Variants in NR6A1 observed in about 807,000 individuals in gnomAD.
The protein encoded by NR6A1 is nuclear receptor subfamily 6 group A member 1.
In NR6A1, 7 loss-of-function variants were observed where a neutral mutation model predicts 59.1. The ratio of observed to expected loss-of-function variants is 0.12; its 90% CI spans 0.07 to 0.22. The LOEUF (loss-of-function observed/expected upper bound fraction) is 0.22. Among genes scored for constraint, NR6A1 ranks in the 10% least tolerant of loss-of-function variants. The pLI, the probability that NR6A1 is intolerant of heterozygous loss-of-function variation, is 1.00. For synonymous variants in NR6A1, 243 were observed against 236.1 expected, an observed-to-expected ratio of 1.03 and a Z score of -0.27; for missense variants, 468 against 611.6, an observed-to-expected ratio of 0.77 and a Z score of 2.48.
chr9:124,591,634 G>A (rs999501562), intron 2 of NR6A1, among the ~76,000 whole-genome samples: 5 of 152,192 alleles, frequency 3.3e-5, no homozygotes, highest in Admixed American at 2.0e-4. Flanking sequence ...CCAGCCGGTT[G>A]ACTCCTGACC....
At position 124,553,549 on chromosome 9, in the gene NR6A1, C is replaced by CTTTTTTTTTTTTTT. The variant is rs780925768; in HGVS notation, c.385+765_385+778dup. Among the ~76,000 whole-genome samples the CTTTTTTTTTTTTTT allele has an allele frequency of 1.9e-3, 91 of 47,328 alleles. 5 individuals are homozygous for CTTTTTTTTTTTTTT. The highest frequency in any genetic ancestry group is 2.2e-3 in the Non-Finnish European group (56 of 25,008). The allele number at this position is 47,328 out of a possible 152,430, so 31.0% of individuals were successfully genotyped here. A position where few individuals can be genotyped will look rare whatever the true frequency, so the allele number is the denominator to read the frequency against. On this transcript the variant is annotated intron_variant, in intron 3 of 9. Transcript: ENST00000487099. Reference sequence around the variant, plus strand: ...GAAATCACCCTGCTTTTTAGCTTGACTTTTTTTTTTTTTTTTTTTTTTTTT... The same window carrying CTTTTTTTTTTTTTT: ...GAAATCACCCTGCTTTTTAGCTTGACTTTTTTTTTTTTTTTTTTTTTTTTTTTTTTTTTTTTTTT...
At chr9:124,672,982 T>C (rs1219427801) in intron 2 of NR6A1, among the ~76,000 whole-genome samples, 1 of 152,082 alleles carries the variant, frequency 6.6e-6, no homozygotes, top group East Asian at 1.9e-4. Context: ...CTGAAATGAT[T>C]AGGTTGTGTT....
intron 2 of NR6A1, among the ~76,000 whole-genome samples, chr9:124,589,236 G>A (rs1030498132): frequency 6.6e-6 from 1 of 152,110 alleles, no homozygotes; most frequent in African/African-American, 2.4e-5. Flanking sequence ...CACGAGGTCA[G>A]GAGATCGAGA....
intron 2 of NR6A1, among the ~76,000 whole-genome samples, chr9:124,643,373 G>C (rs1446699815): frequency 1.3e-5 from 2 of 151,994 alleles, no homozygotes. Flanking sequence ...GGCTGAGGCG[G>C]GTGGATCACT....
intron 2 of NR6A1, among the ~76,000 whole-genome samples, chr9:124,576,434 C>T (rs538695628): frequency 0.01 from 1,571 of 152,188 alleles, 27 homozygotes; most frequent in African/African-American, 0.036. Flanking sequence ...ACTACAGGCG[C>T]GTGCCACCAC....
intron 1 of NR6A1, among the ~76,000 whole-genome samples, chr9:124,749,581 C>T (rs922319389): frequency 7.2e-5 from 11 of 152,126 alleles, no homozygotes; most frequent in South Asian, 2.1e-4. Context: ...AGACAGGTCT[C>T]GCTATGTTGC....
At chr9:124,639,060 C>T (rs1470944096) in intron 2 of NR6A1, among the ~76,000 whole-genome samples, 5 of 152,162 alleles carry the variant, frequency 3.3e-5, no homozygotes, top group East Asian at 3.9e-4. Context: ...ACTTATGGGC[C>T]GGACCTAGTC....
Position 124,538,243 on chromosome 9 carries a change from A to G in NR6A1, c.673T>C (p.Tyr225His), listed in dbSNP as rs1833339857. The G allele has an allele frequency of 6.2e-7, 1 of 1,614,198 alleles. No homozygotes were observed. Among genetic ancestry groups the G allele is most frequent in the Non-Finnish European group, 8.5e-7 (1 of 1,180,038 alleles). ...MGMSVPPHYQ[Y>H]IPHLFSYSGH... ...GAATAGCTAAAAAGGTGCGGTATAT[A>G]TTGGTAATGTGGAGGCACAGACATT... Residue 225 changes from tyrosine (Y) to histidine (H), a missense_variant, in exon 6 of 10, where the codon TAT (tyrosine) becomes CAT (histidine). Physicochemically the swap from Tyr to His is moderately conservative, Grantham distance 83. This residue lies in a region of NR6A1 where 151 missense variants were observed against 142.8 expected (regional missense o/e 1.06). Coordinates refer to ENST00000487099, the MANE Select transcript of NR6A1 (RefSeq NM_033334.4).
chr9:124,540,327 C>T lies in NR6A1; in HGVS notation c.442-140G>A, dbSNP rs1588650467. 3.2e-6 allele frequency: 3 copies of T among 928,888 alleles called. No homozygotes were observed. In the East Asian group the frequency reaches 7.7e-5, roughly 24 times the overall value. 57.5% of individuals were successfully genotyped at this position (928,888 alleles called of 1,614,324 possible). A position where few individuals can be genotyped will look rare whatever the true frequency, so the allele number is the denominator to read the frequency against. The stretch of plus-strand genomic sequence containing the variant: ...CTCCATCCCCATATTCCGGGCCTCT[C>T]ACTAATCTTAGGACGGCGTGGCTTC... On this transcript the variant is annotated intron_variant, in intron 4 of 9. Coordinates refer to ENST00000487099, the MANE Select transcript of NR6A1 (RefSeq NM_033334.4).
chr9:124,631,656 A>ATT (rs913565358), intron 2 of NR6A1, among the ~76,000 whole-genome samples: 2 of 150,098 alleles, frequency 1.3e-5, no homozygotes, highest in African/African-American at 4.9e-5. Flanking sequence ...AGCTACCTGC[A>ATT]TTTTTTTTTT....
intron 2 of NR6A1, among the ~76,000 whole-genome samples, chr9:124,611,599 ATCAGCTGG>A (rs1835744115): frequency 6.6e-6 from 1 of 152,012 alleles, no homozygotes; most frequent in South Asian, 2.1e-4. Context: ...AAGAAAAAAA[ATCAGCTGG>A]GCATGGTGGC....
In NR6A1 at chr9:124,767,733, T is replaced by C. The variant is rs184459271; in HGVS notation, c.100+3287A>G. Reference sequence around the variant, plus strand: ...AGCATAAACATTTGGACGGCATGGTTATAGCAGAAGAAAAAGGCACCGTGC... The same window carrying C: ...AGCATAAACATTTGGACGGCATGGTCATAGCAGAAGAAAAAGGCACCGTGC... On this transcript the variant is annotated intron_variant, in intron 1 of 9. Transcript: ENST00000487099. 1.7e-3 allele frequency among the ~76,000 whole-genome samples: 265 copies of C among 152,310 alleles called. 1 individual carries two copies. Among genetic ancestry groups the C allele is most frequent in the Non-Finnish European group, 2.2e-3 (148 of 68,026 alleles).
At chr9:124,567,970 T>C (rs1268247562) in intron 2 of NR6A1, among the ~76,000 whole-genome samples, 1 of 137,946 alleles carries the variant, frequency 7.2e-6, no homozygotes, top group Non-Finnish European at 1.5e-5. Flanking sequence ...GGTCAAGAGA[T>C]TGAGACCATC....
At chr9:124,749,969 T>C (rs947643079) in intron 1 of NR6A1, among the ~76,000 whole-genome samples, 1 of 152,214 alleles carries the variant, frequency 6.6e-6, no homozygotes, top group Non-Finnish European at 1.5e-5. Context: ...AGTTTAACAA[T>C]CTTCTCTCTG....
At chr9:124,608,465 A>G (rs1835637961) in intron 2 of NR6A1, among the ~76,000 whole-genome samples, 1 of 152,202 alleles carries the variant, frequency 6.6e-6, no homozygotes. Flanking sequence ...GCGGCAAAGG[A>G]CATAATCCTA....
chr9:124,573,391 T>G (rs1834500463), intron 2 of NR6A1, among the ~76,000 whole-genome samples: 1 of 152,210 alleles, frequency 6.6e-6, no homozygotes, highest in African/African-American at 2.4e-5. Flanking sequence ...CAGCTTGGAC[T>G]ATTATTAAGT....
chr9:124,566,480 G>A (rs1392630838), intron 2 of NR6A1, among the ~76,000 whole-genome samples: 2 of 152,182 alleles, frequency 1.3e-5, no homozygotes, highest in Non-Finnish European at 2.9e-5. Context: ...GAAAACAAAC[G>A]CAAGGTGTGT....
chr9:124,703,377 GTTTT>G (rs891247037), intron 2 of NR6A1, among the ~76,000 whole-genome samples: 1 of 145,574 alleles, frequency 6.9e-6, no homozygotes, highest in Non-Finnish European at 1.5e-5. Flanking sequence ...CATGTCCAGG[GTTTT>G]TTTTTTCTTT....
intron 2 of NR6A1, among the ~76,000 whole-genome samples, chr9:124,635,016 C>T (rs900893845): frequency 6.6e-6 from 1 of 152,014 alleles, no homozygotes; most frequent in Admixed American, 6.5e-5. Flanking sequence ...CACCTAAGTC[C>T]GTAACTTACA....
Sources: gnomAD v4.1 joint callset for allele counts (sites outside exome capture counted in the v4.1 genomes callset) on GRCh38, gnomAD v4.1.1 for gene constraint, gnomAD v4.1.1 regional missense constraint, MANE v1.5 for transcripts, NCBI Gene and HGNC (gene_info 2026-07-23, HGNC 2026-07-21) for gene names.